The following CCDC7 variants were observed in gnomAD, a reference collection of about 807,000 sequenced individuals.
CCDC7 encodes coiled-coil domain containing 7.
Under a neutral mutation model 196.9 loss-of-function variants are expected in CCDC7, and 183 were observed. The ratio of observed to expected loss-of-function variants is 0.93; its 90% CI spans 0.82 to 1.05. CCDC7 has a LOEUF of 1.05. Ranked by LOEUF, CCDC7 falls within the 50% of genes least tolerant of loss-of-function variation. The pLI, the probability that CCDC7 is intolerant of heterozygous loss-of-function variation, is 0.00. For missense variants in CCDC7, 1,540 were observed against 1,482.2 expected (o/e 1.04, Z -0.64); for synonymous variants, 525 against 484.6 (o/e 1.08, Z -1.10).
chr10:32,713,461 C>G (rs969578188), intron 25 of CCDC7, among the ~76,000 whole-genome samples: 23 of 152,212 alleles, frequency 1.5e-4, no homozygotes, highest in African/African-American at 5.5e-4. Flanking sequence ...GATGAGAGAT[C>G]TGGGTAAAAG....
intron 30 of CCDC7, among the ~76,000 whole-genome samples, chr10:32,814,139 G>A (rs1027084391): frequency 6.6e-6 from 1 of 151,944 alleles, no homozygotes; most frequent in African/African-American, 2.4e-5. Flanking sequence ...TGTATTTTTA[G>A]TAGAGACGGG....
intron 41 of CCDC7, among the ~76,000 whole-genome samples, chr10:32,857,661 T>C (rs2093804591): frequency 6.6e-6 from 1 of 151,940 alleles, no homozygotes; most frequent in Non-Finnish European, 1.5e-5. Flanking sequence ...TAGCAATAAA[T>C]GACCACATTA....
intron 32 of CCDC7, among the ~76,000 whole-genome samples, chr10:32,828,504 G>GA (rs1484021068): frequency 4.5e-5 from 6 of 134,218 alleles, no homozygotes; most frequent in African/African-American, 1.7e-4. Context: ...AGAAGAAGAA[G>GA]AAGAAGAAGA....
At chr10:32,879,212 AATAT>A (rs2094700381), downstream of CCDC7, among the ~76,000 whole-genome samples, 2 of 152,010 alleles carry the variant, frequency 1.3e-5, no homozygotes, top group South Asian at 2.1e-4. Flanking sequence ...GTTTAATATA[AATAT>A]ATATGTTTGA....
chr10:32,662,727 G>T (rs1460971345), intron 20 of CCDC7, among the ~76,000 whole-genome samples: 2 of 152,106 alleles, frequency 1.3e-5, no homozygotes, highest in Non-Finnish European at 2.9e-5. Flanking sequence ...TCTTTTGTCT[G>T]GCATGGAAAT....
intron 18 of CCDC7, among the ~76,000 whole-genome samples, chr10:32,586,994 G>A (rs371570502): frequency 6.6e-6 from 1 of 152,204 alleles, no homozygotes; most frequent in African/African-American, 2.4e-5. Flanking sequence ...ATCTAAAGAC[G>A]TTTTCTTTTA....
chr10:32,667,892 C>T (rs1489091993), intron 21 of CCDC7, among the ~76,000 whole-genome samples: 2 of 152,000 alleles, frequency 1.3e-5, no homozygotes, highest in East Asian at 1.9e-4. Flanking sequence ...GTAGTTTTTT[C>T]CAATCCTGTG....
rs577337626 is a variant in CCDC7 at position 32,461,331 on chromosome 10, C to T, written c.457-1352C>T. ...ACATTAGCCTGCAGTTGGGCAAAAT[C>T]ATCTAACACAAAACCTATTTTATAA... On this transcript the variant is annotated intron_variant, in intron 3 of 41. Coordinates refer to ENST00000639629, the Ensembl canonical transcript of CCDC7. Among the ~76,000 whole-genome samples the T allele has an allele frequency of 2.6e-5, 4 of 152,232 alleles. No homozygotes were observed. The South Asian group carries it at 8.3e-4, about 32-fold the overall frequency.
chr10:32,610,413 T>TTTA (rs898315868), intron 18 of CCDC7, among the ~76,000 whole-genome samples: 170 of 152,204 alleles, frequency 1.1e-3, no homozygotes, highest in Admixed American at 1.8e-3. Flanking sequence ...CCCAGATTTC[T>TTTA]TTATTATTAT....
intron 28 of CCDC7, among the ~76,000 whole-genome samples, chr10:32,736,488 C>T (rs978601443): frequency 6.6e-6 from 1 of 152,058 alleles, no homozygotes; most frequent in African/African-American, 2.4e-5. Flanking sequence ...GCGCTGCCCC[C>T]ACTAACTCGT....
At chr10:32,571,963 A>G in intron 16 of CCDC7, 70 bp downstream of exon 17, 1 of 1,356,530 alleles carries the variant, frequency 7.4e-7, no homozygotes, top group South Asian at 1.9e-5. Context: ...TAAGCAATGA[A>G]AATAACCATT....
At chr10:32,670,892 G>A (rs1380878189) in intron 21 of CCDC7, among the ~76,000 whole-genome samples, 2 of 151,612 alleles carry the variant, frequency 1.3e-5, no homozygotes, top group African/African-American at 4.8e-5. Flanking sequence ...GTTCCTTGTG[G>A]TGTAACATTA....
At chr10:32,744,682 G>A (rs902073685) in intron 28 of CCDC7, among the ~76,000 whole-genome samples, 29 of 152,140 alleles carry the variant, frequency 1.9e-4, no homozygotes, top group Admixed American at 1.8e-3. Context: ...TTTTAATATT[G>A]AGTTTTAAGA....
At chr10:32,511,273 G>GAAATGTACTTTTTGAATAT in intron 9 of CCDC7, 1 of 782,436 alleles carries the variant, frequency 1.3e-6, no homozygotes, top group Non-Finnish European at 2.0e-6. Flanking sequence ...GGGGGGGCGG[G>GAAATGTACTTTTTGAATAT]GAAATGTACT....
chr10:32,655,600 C>T (rs1004484293), intron 20 of CCDC7, among the ~76,000 whole-genome samples: 3 of 152,032 alleles, frequency 2.0e-5, no homozygotes, highest in East Asian at 1.9e-4. Flanking sequence ...GATCTTGGCT[C>T]ACTGCAACCT....
chr10:32,486,593 C>T (rs11008949), intron 8 of CCDC7, among the ~76,000 whole-genome samples: 860 of 2,832 alleles, frequency 0.3, 353 homozygotes, highest in African/African-American at 0.31. Context: ...TTCCTAGCCT[C>T]GACGATCTTT....
intron 9 of CCDC7, among the ~76,000 whole-genome samples, chr10:32,516,708 C>A (rs1168301590): frequency 4.6e-5 from 7 of 152,120 alleles, no homozygotes; most frequent in Non-Finnish European, 1.0e-4. Flanking sequence ...AGATTGGGAA[C>A]CTCATAATGG....
At position 32,459,037 on chromosome 10, in the gene CCDC7, A is replaced by T. The variant is rs552680390; in HGVS notation, c.456+2703A>T. ...GGTTAAATTTATTTCTAGGTATCTTATATATTATTTTGTAGCTATTATAAA... is the reference window on the plus strand; with the variant it reads ...GGTTAAATTTATTTCTAGGTATCTTTTATATTATTTTGTAGCTATTATAAA... On this transcript the variant is annotated intron_variant, in intron 3 of 41. Transcript: ENST00000639629. Among the ~76,000 whole-genome samples, 265 of 152,114 alleles carry T rather than the reference A, an allele frequency of 1.7e-3. 2 individuals carry two copies. Among genetic ancestry groups the T allele is most frequent in the African/African-American group, 4.8e-3 (199 of 41,542 alleles).
rs181267629 is a variant in CCDC7 at position 32,758,399 on chromosome 10, C to T, written c.2906-20578C>T. On this transcript the variant is annotated intron_variant, in intron 28 of 41. Coordinates refer to ENST00000639629, the Ensembl canonical transcript of CCDC7. ...CAGCAGCACATCAAAAACTTATCCA[C>T]CATGATCAAGTTGGCTTCATCCCTG... Among the ~76,000 whole-genome samples the T allele has an allele frequency of 1.2e-4, 18 of 152,260 alleles. No individual in the cohort carries two copies. In the East Asian group the frequency reaches 2.3e-3, roughly 20 times the overall value.
Sources: allele counts gnomAD v4.1 joint callset (sites outside exome capture counted in the v4.1 genomes callset), GRCh38; gene constraint gnomAD v4.1.1; transcripts MANE v1.5; gene names NCBI Gene and HGNC (gene_info 2026-07-23, HGNC 2026-07-21).